Variants in SCUBE1 observed in about 807,000 individuals in gnomAD.
The protein encoded by SCUBE1 is signal peptide, CUB and EGF-like domain-containing protein 1.
A neutral mutation model predicts 124.4 loss-of-function variants in SCUBE1; 59 were observed. The ratio of observed to expected loss-of-function variants is 0.47; its 90% CI spans 0.38 to 0.59. SCUBE1 has a LOEUF of 0.59. SCUBE1 is among the 20% of genes least tolerant of loss of function. The pLI is 0.00. For synonymous variants in SCUBE1, 545 were observed against 550.9 expected (o/e 0.99, Z 0.15); for missense variants, 1,150 against 1,371.2 (o/e 0.84, Z 2.55).
rs1351752504 is a variant in SCUBE1 at position 43,201,402 on chromosome 22, A to G, written c.*2595T>C. The G allele has an allele frequency of 3.3e-5, 5 of 152,010 alleles. No homozygotes were observed. Among genetic ancestry groups the G allele is most frequent in the African/African-American group, 9.7e-5 (4 of 41,408 alleles). The allele number at this position is 152,010 out of a possible 1,614,324, so 9.4% of individuals were successfully genotyped here. A position where few individuals can be genotyped will look rare whatever the true frequency, so the allele number is the denominator to read the frequency against. Reference sequence around the variant, plus strand: ...ACATTTAAGTGTGATGGTTGATTGCATGGTCGTCTTGGTTGGGTGAACGGA... The same window carrying G: ...ACATTTAAGTGTGATGGTTGATTGCGTGGTCGTCTTGGTTGGGTGAACGGA... On this transcript the variant is annotated 3_prime_UTR_variant, in exon 22 of 22. Coordinates refer to ENST00000360835, the MANE Select transcript of SCUBE1 (RefSeq NM_173050.5).
At chr22:43,315,614 C>T (rs1370365575) in intron 3 of SCUBE1, among the ~76,000 whole-genome samples, 1 of 152,022 alleles carries the variant, frequency 6.6e-6, no homozygotes, top group Non-Finnish European at 1.5e-5. Flanking sequence ...AAGAGAAAGC[C>T]TGAACAGAAA....
At chr22:43,343,121 C>A in intron 1 of SCUBE1, 53 bp downstream of exon 1, 1 of 960,628 alleles carries the variant, frequency 1.0e-6, no homozygotes, top group South Asian at 4.8e-5. Context: ...GACCGCGCCT[C>A]GGCCGCCCGA....
At chr22:43,230,355 C>A (rs1418341128) in intron 8 of SCUBE1, among the ~76,000 whole-genome samples, 1 of 152,016 alleles carries the variant, frequency 6.6e-6, no homozygotes, top group Non-Finnish European at 1.5e-5. Flanking sequence ...CCCCTGAGTG[C>A]CAAGCAAAGG....
At chr22:43,279,378 T>C (rs757855352) in intron 4 of SCUBE1, among the ~76,000 whole-genome samples, 1 of 152,110 alleles carries the variant, frequency 6.6e-6, no homozygotes, top group Non-Finnish European at 1.5e-5. Context: ...TCCAACCACT[T>C]AGGAGGCTGA....
At chr22:43,329,182 G>C (rs973972374) in intron 2 of SCUBE1, among the ~76,000 whole-genome samples, 1 of 152,256 alleles carries the variant, frequency 6.6e-6, no homozygotes, top group Admixed American at 6.5e-5. Flanking sequence ...CTGGAGCGGG[G>C]AATGACTCAG....
At chr22:43,259,649 G>A (rs1306069148) in intron 5 of SCUBE1, among the ~76,000 whole-genome samples, 2 of 152,160 alleles carry the variant, frequency 1.3e-5, no homozygotes, top group Non-Finnish European at 2.9e-5. Context: ...GACACATGCC[G>A]TCTCCACAGC....
Position 43,258,166 on chromosome 22 carries a change from G to C in SCUBE1, c.727+53C>G, listed in dbSNP as rs981197808. On this transcript the variant is annotated intron_variant, in intron 6 of 21. Transcript: ENST00000360835. This position sits in a 1 kb window ranked among gnomAD's most constrained non-coding sequence, Gnocchi z 5.0. ...GCTGGCCCTGCTGGTGCACGCATGG[G>C]GGGTCGGGGGCGGGGGGCGCAAGGG... 6.5e-6 allele frequency: 8 copies of C among 1,236,572 alleles called. No homozygotes were observed. The highest frequency in any genetic ancestry group is 1.2e-5 in the South Asian group (1 of 83,588). The allele number at this position is 1,236,572 out of a possible 1,614,324, so 76.6% of individuals were successfully genotyped here. A position where few individuals can be genotyped will look rare whatever the true frequency, so the allele number is the denominator to read the frequency against.
At chr22:43,340,481 TACACACACACAC>T (rs3047392) in intron 1 of SCUBE1, among the ~76,000 whole-genome samples, 9,995 of 136,094 alleles carry the variant, frequency 0.073, 433 homozygotes, top group Middle Eastern at 0.11. Context: ...TTGTCTCTTT[TACACACACACAC>T]ACACACACAC....
intron 15 of SCUBE1, 31 bp downstream of exon 15, chr22:43,218,224 A>G: frequency 6.2e-7 from 1 of 1,603,998 alleles, no homozygotes; most frequent in East Asian, 2.2e-5. Context: ...GGACAGAGTC[A>G]GCATCTGAGT....
At chr22:43,232,027 A>T in intron 7 of SCUBE1, 152 bp from the exon 8 acceptor site, 105 of 749,714 alleles carry the variant, frequency 1.4e-4, no homozygotes, top group East Asian at 2.8e-4. Flanking sequence ...CCAGCTGTGC[A>T]GAGGGGTGGG....
intron 6 of SCUBE1, 143 bp from the exon 7 acceptor site, chr22:43,239,097 T>A (rs1922893429): frequency 7.7e-6 from 5 of 646,888 alleles, no homozygotes; most frequent in African/African-American, 1.8e-5. Context: ...GCTGTGGGAC[T>A]CTAGGGAAGC....
intron 4 of SCUBE1, among the ~76,000 whole-genome samples, chr22:43,269,738 C>T (rs1319505761): frequency 2.6e-5 from 4 of 152,096 alleles, no homozygotes; most frequent in African/African-American, 7.2e-5. Context: ...GGGGAGGAGG[C>T]GGCTGCCTTC....
At chr22:43,247,735 G>A (rs1413573501) in intron 6 of SCUBE1, among the ~76,000 whole-genome samples, 1 of 152,260 alleles carries the variant, frequency 6.6e-6, no homozygotes, top group Non-Finnish European at 1.5e-5. Flanking sequence ...CCCCCAGGTA[G>A]GTGGGGTGAG....
At chr22:43,343,062 C>T (rs1466831302) in intron 1 of SCUBE1, 112 bp downstream of exon 1, 11 of 378,954 alleles carry the variant, frequency 2.9e-5, no homozygotes, top group Non-Finnish European at 3.8e-5. Flanking sequence ...GCAGGGGGCG[C>T]GGGGCCGCGC....
intron 6 of SCUBE1, among the ~76,000 whole-genome samples, chr22:43,249,703 G>A (rs944292493): frequency 1.3e-5 from 2 of 152,222 alleles, no homozygotes; most frequent in Non-Finnish European, 2.9e-5. Flanking sequence ...AGAGGGGTGA[G>A]GCTGTAGCCC....
At chr22:43,292,378 A>G (rs1925394569) in intron 3 of SCUBE1, among the ~76,000 whole-genome samples, 1 of 152,212 alleles carries the variant, frequency 6.6e-6, no homozygotes. Flanking sequence ...GGTCTTGAGC[A>G]CAACAGCGTG....
chr22:43,213,465 G>A (rs901018514), intron 16 of SCUBE1: 4 of 152,206 alleles, frequency 2.6e-5, no homozygotes, highest in East Asian at 1.9e-4. Context: ...CCTTCCCCGC[G>A]GATTCTCTTG....
chr22:43,338,796 C>G (rs1196901765), intron 2 of SCUBE1, among the ~76,000 whole-genome samples: 10 of 152,192 alleles, frequency 6.6e-5, no homozygotes, highest in African/African-American at 2.4e-4. Context: ...CCTCGGTCTC[C>G]CAAAGTGCTG....
At chr22:43,321,763 A>G (rs897403010) in intron 2 of SCUBE1, among the ~76,000 whole-genome samples, 2 of 152,284 alleles carry the variant, frequency 1.3e-5, no homozygotes, top group Admixed American at 6.5e-5. Context: ...TTGTTTTTAG[A>G]GACAGGGCCT....
Sources: gnomAD v4.1 joint callset for allele counts (sites outside exome capture counted in the v4.1 genomes callset) on GRCh38, gnomAD v4.1.1 for gene constraint, Gnocchi (gnomAD v3.1) non-coding constraint, MANE v1.5 for transcripts, NCBI Gene and HGNC (gene_info 2026-07-23, HGNC 2026-07-21) for gene names.